Variants in SLC9C2 observed in about 807,000 individuals in gnomAD.
SLC9C2 encodes sodium/hydrogen exchanger 11.
A neutral mutation model predicts 140.2 loss-of-function variants in SLC9C2; 75 were observed. The observed-to-expected ratio is 0.53, with a 90% CI of 0.44 to 0.65. The LOEUF is 0.65. Among genes scored for constraint, SLC9C2 ranks in the 30% least tolerant of loss-of-function variants. The probability of loss-of-function intolerance (pLI) is 0.00; values close to 1 mark genes in which losing one functional copy is unlikely to be tolerated. For synonymous variants in SLC9C2, 375 were observed against 420.9 expected, an observed-to-expected ratio of 0.89 and a Z score of 1.34; for missense variants, 1,074 against 1,331.8, an observed-to-expected ratio of 0.81 and a Z score of 3.01.
rs199556872 is a variant in SLC9C2, at chr1:173,538,821, TAGAGAAACAGTC to T, written c.1558-1794_1558-1783del. Among the ~76,000 whole-genome samples the T allele has an allele frequency of 9.6e-3, 1,463 of 152,294 alleles. 10 individuals are homozygous for T. The highest frequency in any genetic ancestry group is 0.022 in the South Asian group (106 of 4,822). Reference sequence around the variant, plus strand: ...ACAAGTTGTGGGGCAGAGCATCAGTTAGAGAAACAGTCAGAGGCCAGATTTTAAAATACCTTG... The same window carrying T: ...ACAAGTTGTGGGGCAGAGCATCAGTTAGAGGCCAGATTTTAAAATACCTTG... On this transcript the variant is annotated intron_variant, in intron 13 of 27. Transcript: ENST00000367714.
rs146421423 is a variant in SLC9C2, at chr1:173,517,401, C to A, written c.2907+136G>T. Reference sequence around the variant, plus strand: ...GAGCCTGGGATGTGAGACACTAAATCTGCCTTTTCAGCTATGTTACCTCCC... The same window carrying A: ...GAGCCTGGGATGTGAGACACTAAATATGCCTTTTCAGCTATGTTACCTCCC... On this transcript the variant is annotated intron_variant, in intron 23 of 27. Transcript: ENST00000367714. 956 of 747,644 alleles carry A rather than the reference C, an allele frequency of 1.3e-3. 8 individuals are homozygous for A. In the African/African-American group the frequency reaches 0.015, roughly 12 times the overall value. The allele number at this position is 747,644 out of a possible 1,614,324, so 46.3% of individuals were successfully genotyped here.
In SLC9C2 at chr1:173,558,747, G is replaced by A. The variant is rs74822883; in HGVS notation, c.1047-1239C>T. Among the ~76,000 whole-genome samples, 474 of 152,216 alleles carry A rather than the reference G, an allele frequency of 3.1e-3. 1 individual carries two copies. The highest frequency in any genetic ancestry group is 0.01 in the African/African-American group (430 of 41,530). The stretch of plus-strand genomic sequence containing the variant: ...TCAATCAGCAATGCTTACTATGTTC[G>A]TGTATTCCCATTTCTCTATCTTGGC... On this transcript the variant is annotated intron_variant, in intron 9 of 27. Transcript: ENST00000367714.
At chr1:173,511,831 A>G (rs1336773476) in intron 23 of SLC9C2, among the ~76,000 whole-genome samples, 1 of 152,192 alleles carries the variant, frequency 6.6e-6, no homozygotes, top group Non-Finnish European at 1.5e-5. Context: ...TTTACGTATA[A>G]GGTGTAAGGA....
intron 4 of SLC9C2, among the ~76,000 whole-genome samples, chr1:173,591,419 A>G (rs912244414): frequency 6.6e-6 from 1 of 152,042 alleles, no homozygotes; most frequent in African/African-American, 2.4e-5. Context: ...GTTGAATGGT[A>G]GTTCTATTTT....
At chr1:173,539,518 G>C (rs1662218678) in intron 13 of SLC9C2, among the ~76,000 whole-genome samples, 2 of 152,166 alleles carry the variant, frequency 1.3e-5, no homozygotes, top group South Asian at 4.1e-4. Flanking sequence ...ATATGGATTT[G>C]AGGTAGAGTG....
intron 9 of SLC9C2, among the ~76,000 whole-genome samples, chr1:173,561,989 C>G (rs1664152148): frequency 6.6e-6 from 1 of 152,108 alleles, no homozygotes; most frequent in South Asian, 2.1e-4. Context: ...CAGGATCCAG[C>G]TCACAGCTAT....
chr1:173,549,885 T>C (rs1046769384), intron 11 of SLC9C2, among the ~76,000 whole-genome samples: 1 of 152,128 alleles, frequency 6.6e-6, no homozygotes, highest in African/African-American at 2.4e-5. Flanking sequence ...CTCACTGATC[T>C]CACTTTTGAA....
In SLC9C2 at chr1:173,587,838, C is replaced by A; in HGVS notation, c.358-8G>T. On this transcript the variant is annotated splice_region_variant and splice_polypyrimidine_tract_variant and intron_variant, in intron 4 of 27. Coordinates refer to ENST00000367714, the MANE Select transcript of SLC9C2 (RefSeq NM_178527.4). ...TAATCCAGTTAACAAGACCTGTGAACCAATTCATAACACAGTATTAGACTT... is the reference window on the plus strand; with the variant it reads ...TAATCCAGTTAACAAGACCTGTGAAACAATTCATAACACAGTATTAGACTT... 1 of 1,606,450 alleles carries A rather than the reference C, an allele frequency of 6.2e-7. No homozygotes were observed. The highest frequency in any genetic ancestry group is 8.5e-7 in the Non-Finnish European group (1 of 1,175,576).
chr1:173,524,962 T>C, intron 19 of SLC9C2, 35 bp from the exon 20 acceptor site: 31 of 1,605,176 alleles, frequency 1.9e-5, no homozygotes, highest in Non-Finnish European at 2.6e-5. Flanking sequence ...GTAAGTGGCC[T>C]ATGCAATAAC....
chr1:173,554,068 G>A (rs1663502260), intron 11 of SLC9C2, among the ~76,000 whole-genome samples: 1 of 152,016 alleles, frequency 6.6e-6, no homozygotes, highest in Admixed American at 6.6e-5. Flanking sequence ...ATTATAAATG[G>A]CCTGAGATTC....
At chr1:173,506,185 C>T (rs1368483719) in intron 25 of SLC9C2, among the ~76,000 whole-genome samples, 2 of 152,240 alleles carry the variant, frequency 1.3e-5, no homozygotes, top group East Asian at 3.8e-4. Flanking sequence ...TGACTTTTCA[C>T]AGCCTGAACT....
intron 4 of SLC9C2, among the ~76,000 whole-genome samples, chr1:173,590,514 AATAC>A (rs1466992286): frequency 1.3e-5 from 2 of 152,182 alleles, no homozygotes; most frequent in Non-Finnish European, 2.9e-5. Context: ...GGTTTTTTAA[AATAC>A]ATATATATCT....
At chr1:173,521,001 T>A (rs1161291763) in intron 22 of SLC9C2, among the ~76,000 whole-genome samples, 1 of 152,172 alleles carries the variant, frequency 6.6e-6, no homozygotes, top group Non-Finnish European at 1.5e-5. Flanking sequence ...TTCTATTTCC[T>A]TTAGGTGAGT....
chr1:173,554,327 C>A (rs1663527116), intron 11 of SLC9C2, among the ~76,000 whole-genome samples: 1 of 152,196 alleles, frequency 6.6e-6, no homozygotes, highest in African/African-American at 2.4e-5. Context: ...CCCTCCCCCA[C>A]CATTTCCCCT....
chr1:173,503,236 A>C, intron 27 of SLC9C2, 30 bp downstream of exon 27: 3 of 1,592,292 alleles, frequency 1.9e-6, no homozygotes, highest in Non-Finnish European at 2.6e-6. Context: ...CAATAAGAAA[A>C]AATTCTAATC....
Position 173,573,165 on chromosome 1 carries a change from TA to T in SLC9C2, c.1046+16del, listed in dbSNP as rs1163826483. 1 of 1,499,234 alleles carries T rather than the reference TA, an allele frequency of 6.7e-7. No individual in the cohort carries two copies. The highest frequency in any genetic ancestry group is 1.2e-5 in the South Asian group (1 of 81,398). The allele number at this position is 1,499,234 out of a possible 1,614,324, so 92.9% of individuals were successfully genotyped here. ...GAATCTCAGTTTAGTAAACAAACTT[TA>T]AAATATTATTCTTACCTTACCAAAT... On this transcript the variant is annotated intron_variant, in intron 9 of 27. Transcript: ENST00000367714.
chr1:173,519,481 T>A (rs1660653634), intron 22 of SLC9C2, among the ~76,000 whole-genome samples: 1 of 152,204 alleles, frequency 6.6e-6, no homozygotes, highest in Non-Finnish European at 1.5e-5. Flanking sequence ...TACACAGCCA[T>A]GAGATAATAT....
chr1:173,524,660 G>T, intron 20 of SLC9C2, 119 bp downstream of exon 20: 2 of 1,053,332 alleles, frequency 1.9e-6, no homozygotes, highest in Non-Finnish European at 2.8e-6. Flanking sequence ...AAAGGCTGAA[G>T]GTGATTATAG....
At chr1:173,551,689 A>T (rs1663322945) in intron 11 of SLC9C2, among the ~76,000 whole-genome samples, 1 of 152,162 alleles carries the variant, frequency 6.6e-6, no homozygotes, top group African/African-American at 2.4e-5. Flanking sequence ...AACAATCAGT[A>T]AGTGTGTGTT....
Sources: gnomAD v4.1 joint callset for allele counts (sites outside exome capture counted in the v4.1 genomes callset) on GRCh38, gnomAD v4.1.1 for gene constraint, MANE v1.5 for transcripts, NCBI Gene and HGNC (gene_info 2026-07-23, HGNC 2026-07-21) for gene names.